Variants in FBL observed in about 807,000 individuals in gnomAD.
FBL encodes fibrillarin rRNA 2'-O-methyltransferase.
FBL carries 10 observed loss-of-function variants against 42.2 expected under a neutral mutation model. The ratio of observed to expected loss-of-function variants is 0.24; its 90% CI spans 0.15 to 0.40. The LOEUF (loss-of-function observed/expected upper bound fraction) is 0.40. Among genes scored for constraint, FBL ranks in the 10% least tolerant of loss-of-function variants. The pLI, the probability that FBL is intolerant of heterozygous loss-of-function variation, is 1.00. For missense variants in FBL, 351 were observed against 439.2 expected (o/e 0.80, Z 1.79); for synonymous variants, 165 against 165.4 (o/e 1.00, Z 0.02).
At position 39,834,659 on chromosome 19, in the gene FBL, C is replaced by T. The variant is rs765384686; in HGVS notation, c.941+9G>A. 1 of 1,614,084 alleles carries T rather than the reference C, an allele frequency of 6.2e-7. No individual in the cohort carries two copies. Among genetic ancestry groups the T allele is most frequent in the Non-Finnish European group, 8.5e-7 (1 of 1,180,000 alleles). ...GTCTGTCTTGGTGTATTGCTGGGCC[C>T]CTGCTCACCTGTACACTCCCACGAC... On this transcript the variant is annotated intron_variant, in intron 8 of 8. Coordinates refer to ENST00000221801, the MANE Select transcript of FBL (RefSeq NM_001436.4).
Position 39,840,475 on chromosome 19 carries a change from C to G in FBL, c.222G>C (p.Arg74=), listed in dbSNP as rs761969290. The part of the protein sequence containing the change: ...FHSGGNRGRG[R]GGKRGNQSGK... ...CCGACTGGTTTCCTCTTTTTCCTCC[C>G]CGACCACGACCCCGGTTGCCACCAG... Residue 74 remains arginine, a synonymous_variant, in exon 3 of 9, where the codon CGG becomes CGC. Transcript: ENST00000221801. This position sits in a 1 kb window ranked among gnomAD's most constrained non-coding sequence, Gnocchi z 4.5. The G allele has an allele frequency of 6.2e-7, 1 of 1,614,158 alleles. No homozygotes were observed.
At chr19:39,846,252 GCCTCCGTC>G in intron 1 of FBL, 31 bp downstream of exon 1, 1 of 1,612,910 alleles carries the variant, frequency 6.2e-7, no homozygotes, top group Non-Finnish European at 8.5e-7. Flanking sequence ...TTCCCGCCCG[GCCTCCGTC>G]CCTGACCCCG....
intron 6 of FBL, 24 bp downstream of exon 6, chr19:39,837,687 C>A (rs649908): frequency 0.076 from 116,340 of 1,538,878 alleles, 4,959 homozygotes; most frequent in Middle Eastern, 0.1. Flanking sequence ...CCTACCCCAC[C>A]GGGGCCACCC....
intron 1 of FBL, among the ~76,000 whole-genome samples, chr19:39,843,767 C>CA (rs1969206640): frequency 6.6e-6 from 1 of 151,774 alleles, no homozygotes; most frequent in Admixed American, 6.6e-5. Context: ...GATTCTGTAT[C>CA]AAAAAAATAA....
chr19:39,834,586 A>G, intron 8 of FBL, 24 bp from the exon 9 acceptor site: 1 of 1,614,126 alleles, frequency 6.2e-7, no homozygotes. Context: ...ATAGGTGATG[A>G]AGGAGGGTCC....
intron 1 of FBL, among the ~76,000 whole-genome samples, chr19:39,842,161 C>A (rs913137786): frequency 1.3e-5 from 2 of 151,890 alleles, no homozygotes; most frequent in African/African-American, 4.8e-5. Flanking sequence ...TCTCGGCTCA[C>A]TGCAAGCTCC....
intron 7 of FBL, among the ~76,000 whole-genome samples, chr19:39,836,021 A>AG (rs1969040018): frequency 6.6e-6 from 1 of 152,180 alleles, no homozygotes; most frequent in African/African-American, 2.4e-5. Flanking sequence ...CTTAAATTTT[A>AG]TACCCAGGAA....
At chr19:39,836,959 G>A (rs75737109) in intron 6 of FBL, among the ~76,000 whole-genome samples, 1 of 152,168 alleles carries the variant, frequency 6.6e-6, no homozygotes, top group Non-Finnish European at 1.5e-5. Flanking sequence ...CCCTGCCCTC[G>A]AGACGCTCCC....
At chr19:39,835,658 GCTCGTGC>G (rs1164104132) in intron 7 of FBL, among the ~76,000 whole-genome samples, 3 of 152,176 alleles carry the variant, frequency 2.0e-5, no homozygotes, top group Admixed American at 2.0e-4. Context: ...GGGTGCAGTG[GCTCGTGC>G]CTGTAATCCT....
Position 39,840,662 on chromosome 19 carries a change from C to T in FBL, c.136G>A (p.Gly46Arg), listed in dbSNP as rs1335795004. Residue 46 changes from glycine to arginine, a missense_variant, in exon 2 of 9, where the codon GGA (glycine) becomes AGA (arginine). Gly to Arg is a moderately radical substitution (Grantham distance 125). Transcript: ENST00000221801. This position sits in a 1 kb window ranked among gnomAD's most constrained non-coding sequence, Gnocchi z 4.5. ...RGGGFRGRGR[G>R]GGGGGGGGGG... ...CCGCCGCCGCCGCCTCCACCTCCTC[C>T]TCGTCCACGACCTCTAAAGCCTCCG... 2 of 1,609,538 alleles carry T rather than the reference C, an allele frequency of 1.2e-6. No homozygotes were observed. The highest frequency in any genetic ancestry group is 3.4e-5 in the Admixed American group (2 of 59,202).
intron 1 of FBL, among the ~76,000 whole-genome samples, chr19:39,845,638 C>G (rs542360769): frequency 5.3e-4 from 81 of 152,316 alleles, no homozygotes; most frequent in African/African-American, 1.9e-3. Flanking sequence ...CAGACTAATG[C>G]CGAGCTTGTT....
chr19:39,846,367 G>A lies in FBL; in HGVS notation c.-67C>T, dbSNP rs1044754917. On this transcript the variant is annotated 5_prime_UTR_variant, in exon 1 of 9. Transcript: ENST00000221801. ...ACAACTCCACGAGTCCGGGGCTTTCGCACGTGGAAAAGAGCGCAGGCGCGC... is the reference window on the plus strand; with the variant it reads ...ACAACTCCACGAGTCCGGGGCTTTCACACGTGGAAAAGAGCGCAGGCGCGC... 18 of 1,598,432 alleles carry A rather than the reference G, an allele frequency of 1.1e-5. No homozygotes were observed. The East Asian group carries it at 2.5e-4, about 22-fold the overall frequency.
rs752634675 is a variant in FBL, at chr19:39,840,240, G to A, written c.371C>T (p.Ser124Leu). 1.4e-5 allele frequency: 23 copies of A among 1,613,308 alleles called. No individual in the cohort carries two copies. Among genetic ancestry groups the A allele is most frequent in the Non-Finnish European group, 5.1e-6 (6 of 1,179,508 alleles). Reference protein sequence around the residue: ...GESVYGEKRVSISEGDDKIEY... With the variant: ...GESVYGEKRVLISEGDDKIEY... ...CAGGGGCCCAGTTCTCACCGAAATCGAGACTCTCTTCTCTCCATAAACTGA... is the reference window on the plus strand; with the variant it reads ...CAGGGGCCCAGTTCTCACCGAAATCAAGACTCTCTTCTCTCCATAAACTGA... Residue 124 changes from serine to leucine, a missense_variant, in exon 4 of 9, where the codon TCG becomes TTG. Ser to Leu is a moderately radical substitution (Grantham distance 145). Transcript: ENST00000221801. The surrounding 1 kb of genome is among the most constrained non-coding windows in gnomAD (Gnocchi z 4.5).
At chr19:39,836,400 C>T (rs1422353305) in intron 7 of FBL, among the ~76,000 whole-genome samples, 156 bp downstream of exon 7, 1 of 152,154 alleles carries the variant, frequency 6.6e-6, no homozygotes, top group East Asian at 1.9e-4. Context: ...CTCAATTTTG[C>T]ACTTGACCGC....
chr19:39,839,368 A>G (rs56903549), intron 4 of FBL, among the ~76,000 whole-genome samples, 163 bp from the exon 5 acceptor site: 2,595 of 152,272 alleles, frequency 0.017, 74 homozygotes, highest in African/African-American at 0.056. Flanking sequence ...CTGCCCTCTC[A>G]TGGAGGTGAC....
At chr19:39,835,890 C>T (rs1188609816) in intron 7 of FBL, among the ~76,000 whole-genome samples, 1 of 151,962 alleles carries the variant, frequency 6.6e-6, no homozygotes, top group Non-Finnish European at 1.5e-5. Context: ...TGCACCACTT[C>T]ACGCCAGCCT....
chr19:39,836,966 T>A (rs931575207), intron 6 of FBL, among the ~76,000 whole-genome samples: 2 of 152,130 alleles, frequency 1.3e-5, no homozygotes, highest in Non-Finnish European at 2.9e-5. Context: ...CTCGAGACGC[T>A]CCCAGGTCTG....
At chr19:39,836,220 G>A (rs1042296976) in intron 7 of FBL, among the ~76,000 whole-genome samples, 1 of 151,704 alleles carries the variant, frequency 6.6e-6, no homozygotes, top group African/African-American at 2.4e-5. Context: ...TCTATTCTAT[G>A]CCAGGATCTT....
At chr19:39,843,416 C>A (rs767120828) in intron 1 of FBL, among the ~76,000 whole-genome samples, 6 of 152,174 alleles carry the variant, frequency 3.9e-5, no homozygotes, top group Non-Finnish European at 5.9e-5. Flanking sequence ...CTGCCACTCT[C>A]GACCCTAGTA....
Sources: gnomAD v4.1 joint callset for allele counts (sites outside exome capture counted in the v4.1 genomes callset) on GRCh38, gnomAD v4.1.1 for gene constraint, Gnocchi (gnomAD v3.1) non-coding constraint, MANE v1.5 for transcripts, NCBI Gene and HGNC (gene_info 2026-07-23, HGNC 2026-07-21) for gene names.